Variants in ADGRB3 observed in about 807,000 individuals in gnomAD.
The protein encoded by ADGRB3 is brain-specific angiogenesis inhibitor 3.
In ADGRB3, 37 loss-of-function variants were observed where a neutral mutation model predicts 193.4. The observed-to-expected ratio is 0.19, with a 90% CI of 0.15 to 0.25. ADGRB3 has a LOEUF of 0.25. ADGRB3 is among the 10% of genes least tolerant of loss of function. ADGRB3 has a pLI of 1.00. For synonymous variants in ADGRB3, 690 were observed against 644.2 expected (o/e 1.07, Z -1.08); for missense variants, 1,637 against 1,852.9 (o/e 0.88, Z 2.14).
At chr6:68,670,575 A>C (rs1330277372) in intron 3 of ADGRB3, among the ~76,000 whole-genome samples, 1 of 151,394 alleles carries the variant, frequency 6.6e-6, no homozygotes, top group Non-Finnish European at 1.5e-5. Context: ...AAATGAGTTC[A>C]GTATAGGTGT....
chr6:68,645,361 A>C (rs568626781), intron 3 of ADGRB3, among the ~76,000 whole-genome samples: 1 of 152,170 alleles, frequency 6.6e-6, no homozygotes, highest in Non-Finnish European at 1.5e-5. Flanking sequence ...AATTAATAAA[A>C]TTAATGACTT....
chr6:68,789,198 T>G (rs1332927597), intron 3 of ADGRB3, among the ~76,000 whole-genome samples: 1 of 152,122 alleles, frequency 6.6e-6, no homozygotes, highest in Non-Finnish European at 1.5e-5. Flanking sequence ...CCTGTCATTA[T>G]GATGTTAGCT....
chr6:69,183,552 C>T (rs1223482899), intron 17 of ADGRB3, among the ~76,000 whole-genome samples: 1 of 152,026 alleles, frequency 6.6e-6, no homozygotes, highest in Non-Finnish European at 1.5e-5. Context: ...GAGGTCCTTA[C>T]CAAAGTACTT....
chr6:68,781,748 A>G (rs1021373710), intron 3 of ADGRB3, among the ~76,000 whole-genome samples: 2 of 152,028 alleles, frequency 1.3e-5, no homozygotes, highest in African/African-American at 4.8e-5. Flanking sequence ...AGCTGGAGGG[A>G]CAAAGAGAAA....
At chr6:68,990,706 G>A (rs1769214934) in intron 10 of ADGRB3, among the ~76,000 whole-genome samples, 1 of 152,136 alleles carries the variant, frequency 6.6e-6, no homozygotes, top group African/African-American at 2.4e-5. Flanking sequence ...ATTCTATGTT[G>A]TGATGTTTTT....
At chr6:69,365,521 A>G (rs1309044781) in intron 29 of ADGRB3, among the ~76,000 whole-genome samples, 1 of 152,076 alleles carries the variant, frequency 6.6e-6, no homozygotes, top group African/African-American at 2.4e-5. Flanking sequence ...TCTTGCTGAA[A>G]TGTAAACACC....
chr6:68,938,613 G>T (rs771859611), intron 5 of ADGRB3, among the ~76,000 whole-genome samples: 2 of 151,792 alleles, frequency 1.3e-5, no homozygotes, highest in East Asian at 1.9e-4. Context: ...GTCACCATGC[G>T]GTATAATAGA....
intron 15 of ADGRB3, among the ~76,000 whole-genome samples, chr6:69,051,331 AT>A (rs955448149): frequency 6.6e-6 from 1 of 152,106 alleles, no homozygotes; most frequent in Non-Finnish European, 1.5e-5. Flanking sequence ...TGAACTTAAA[AT>A]TTTTTTCACC....
In ADGRB3 at chr6:69,112,763, A is replaced by AT. The variant is rs5877192; in HGVS notation, c.2480+36737dup. Among the ~76,000 whole-genome samples the AT allele has an allele frequency of 3.0e-3, 440 of 148,884 alleles. 3 individuals carry two copies. The highest frequency in any genetic ancestry group is 9.7e-3 in the African/African-American group (394 of 40,630). ...AGGTATTATAAGTAATCCAGAGATA[A>AT]TTTTTTTTTTTTGAGATGGAGTCTT... On this transcript the variant is annotated intron_variant, in intron 17 of 31. Coordinates refer to ENST00000370598, the MANE Select transcript of ADGRB3 (RefSeq NM_001704.3).
chr6:69,295,661 T>TG (rs1767800314), intron 20 of ADGRB3, among the ~76,000 whole-genome samples: 1 of 152,188 alleles, frequency 6.6e-6, no homozygotes, highest in Non-Finnish European at 1.5e-5. Context: ...ACGCTGGTGA[T>TG]GCCTCATGCA....
chr6:68,643,582 T>G (rs1768134122), intron 3 of ADGRB3, among the ~76,000 whole-genome samples: 1 of 151,730 alleles, frequency 6.6e-6, no homozygotes, highest in Non-Finnish European at 1.5e-5. Context: ...CACAGACCTT[T>G]GCACATACTG....
In ADGRB3 at chr6:69,018,453, G is replaced by A. The variant is rs1470554633; in HGVS notation, c.2061G>A (p.Met687Ile). The A allele has an allele frequency of 6.2e-7, 1 of 1,609,092 alleles. No homozygotes were observed. Among genetic ancestry groups the A allele is most frequent in the Admixed American group, 1.7e-5 (1 of 59,886 alleles). ...VIEDFIHIVG[M>I]GMMDFQNSYL... ...AAGATTTTATACACATTGTTGGAAT[G>A]GGGATGATGGACTTTCAGAATTCAT... is the stretch of plus-strand genomic sequence containing the variant. The change falls in exon 13 of 32, where the codon ATG becomes ATA. Residue 687 changes from methionine to isoleucine, a missense_variant. Coordinates refer to ENST00000370598, the MANE Select transcript of ADGRB3 (RefSeq NM_001704.3).
intron 17 of ADGRB3, among the ~76,000 whole-genome samples, chr6:69,168,639 A>G (rs1775191351): frequency 6.6e-6 from 1 of 152,042 alleles, no homozygotes; most frequent in Admixed American, 6.6e-5. Context: ...ATGAGCCATA[A>G]TTTAAAATTA....
At chr6:69,153,160 A>T (rs1051773391) in intron 17 of ADGRB3, among the ~76,000 whole-genome samples, 1 of 152,160 alleles carries the variant, frequency 6.6e-6, no homozygotes, top group Non-Finnish European at 1.5e-5. Flanking sequence ...TTAATTTTAA[A>T]ATCTGTTAAA....
chr6:68,892,547 TTTA>T (rs1766107772), intron 3 of ADGRB3, among the ~76,000 whole-genome samples: 16 of 152,160 alleles, frequency 1.1e-4, no homozygotes, highest in Admixed American at 1.0e-3. Flanking sequence ...ATAATTTCTA[TTTA>T]TTTATTTATT....
At chr6:68,961,775 T>C (rs553814639) in intron 8 of ADGRB3, among the ~76,000 whole-genome samples, 1 of 152,318 alleles carries the variant, frequency 6.6e-6, no homozygotes, top group Admixed American at 6.5e-5. Flanking sequence ...CCTTGTTCAT[T>C]TCAAACCAAG....
chr6:68,758,741 C>T (rs1766342467), intron 3 of ADGRB3, among the ~76,000 whole-genome samples: 1 of 152,078 alleles, frequency 6.6e-6, no homozygotes, highest in South Asian at 2.1e-4. Context: ...AAATATTCCT[C>T]CCATAGTGCC....
intron 17 of ADGRB3, among the ~76,000 whole-genome samples, chr6:69,077,093 T>C (rs1772253852): frequency 6.6e-6 from 1 of 152,028 alleles, no homozygotes; most frequent in Admixed American, 6.6e-5. Flanking sequence ...TGGGTATCCT[T>C]TACTACTAGT....
intron 20 of ADGRB3, among the ~76,000 whole-genome samples, chr6:69,269,510 A>G (rs1286887375): frequency 1.3e-5 from 2 of 152,156 alleles, no homozygotes; most frequent in Non-Finnish European, 2.9e-5. Flanking sequence ...GTTCCCTTTA[A>G]TCAGAATTTG....
Sources: allele counts gnomAD v4.1 joint callset (sites outside exome capture counted in the v4.1 genomes callset), GRCh38; gene constraint gnomAD v4.1.1; transcripts MANE v1.5; gene names NCBI Gene and HGNC (gene_info 2026-07-23, HGNC 2026-07-21).